SLC25A36: variants seen among roughly 807,000 people sequenced by gnomAD.
SLC25A36 encodes solute carrier family 25 member 36.
SLC25A36 carries 24 observed loss-of-function variants against 35.3 expected under a neutral mutation model. That is an observed-to-expected ratio of 0.68 (90% CI 0.49 to 0.96). SLC25A36 has a LOEUF of 0.96. SLC25A36 is among the 40% of genes least tolerant of loss of function. SLC25A36 has a pLI of 0.00. For synonymous variants in SLC25A36, 141 were observed against 132.2 expected, an observed-to-expected ratio of 1.07 and a Z score of -0.46; for missense variants, 294 against 381.1, an observed-to-expected ratio of 0.77 and a Z score of 1.90.
rs1935069079 is a variant in SLC25A36 at position 140,977,122 on chromosome 3, A to C, written c.*669A>C. On this transcript the variant is annotated 3_prime_UTR_variant, in exon 7 of 7. Coordinates refer to ENST00000324194, the MANE Select transcript of SLC25A36 (RefSeq NM_001104647.3). The stretch of plus-strand genomic sequence containing the variant: ...ACACATGGTAATAGTTTGGGACAAA[A>C]TAACTAGTAAAATGTTGATTTCTCG... 1 of 152,214 alleles carries C rather than the reference A, an allele frequency of 6.6e-6. No individual in the cohort carries two copies. The highest frequency in any genetic ancestry group is 1.5e-5 in the Non-Finnish European group (1 of 68,048). The allele number at this position is 152,214 out of a possible 1,614,324, so 9.4% of individuals were successfully genotyped here. A position where few individuals can be genotyped will look rare whatever the true frequency, so the allele number is the denominator to read the frequency against.
intron 1 of SLC25A36, among the ~76,000 whole-genome samples, chr3:140,951,306 C>T (rs534074498): frequency 1.8e-4 from 28 of 152,284 alleles, no homozygotes; most frequent in African/African-American, 6.7e-4. Flanking sequence ...TTGTTCTCTA[C>T]ATCAATTCTG....
intron 4 of SLC25A36, 142 bp downstream of exon 4, chr3:140,963,369 A>G: frequency 1.7e-6 from 1 of 576,948 alleles, no homozygotes; most frequent in Non-Finnish European, 2.9e-6. Context: ...GATATAAACC[A>G]AATTAGGTAT....
intron 5 of SLC25A36, among the ~76,000 whole-genome samples, chr3:140,971,537 A>G (rs1311860993): frequency 6.6e-6 from 1 of 152,214 alleles, no homozygotes; most frequent in East Asian, 1.9e-4. Flanking sequence ...GAGATGCACC[A>G]GGAAACAGTG....
chr3:140,960,534 G>T (rs1934601329), intron 3 of SLC25A36, among the ~76,000 whole-genome samples: 1 of 152,206 alleles, frequency 6.6e-6, no homozygotes, highest in African/African-American at 2.4e-5. Context: ...TTAGAACAGG[G>T]TTGAAGAAAG....
rs756039412 is a variant in SLC25A36 at position 140,976,362 on chromosome 3, G to A, written c.845G>A (p.Arg282His). 1.1e-5 allele frequency: 18 copies of A among 1,613,592 alleles called. No individual in the cohort carries two copies. Among genetic ancestry groups the A allele is most frequent in the East Asian group, 4.5e-5 (2 of 44,860 alleles). Residue 282 changes from arginine to histidine, a missense_variant, in exon 7 of 7, where the codon CGT becomes CAT. This residue lies in a region of SLC25A36 where 109 missense variants were observed against 179.7 expected (regional missense o/e 0.61). Transcript: ENST00000324194. Reference sequence around the variant, plus strand: ...GAAGAAGGTTATGGGTCTCTTTATCGTGGTCTGACAACTCATCTAGTGAGA... The same window carrying A: ...GAAGAAGGTTATGGGTCTCTTTATCATGGTCTGACAACTCATCTAGTGAGA... ...VQEEGYGSLYRGLTTHLVRQI... is the reference protein window; with the variant it reads ...VQEEGYGSLYHGLTTHLVRQI...
At chr3:140,950,937 T>A (rs1934307030) in intron 1 of SLC25A36, among the ~76,000 whole-genome samples, 1 of 151,558 alleles carries the variant, frequency 6.6e-6, no homozygotes, top group Non-Finnish European at 1.5e-5. Flanking sequence ...TGTGTGTGTG[T>A]GTGTAAGGCA....
At position 140,956,352 on chromosome 3, in the gene SLC25A36, A is replaced by G. The variant is rs77420980; in HGVS notation, c.42-175A>G. On this transcript the variant is annotated intron_variant, in intron 1 of 6. Coordinates refer to ENST00000324194, the MANE Select transcript of SLC25A36 (RefSeq NM_001104647.3). Reference sequence around the variant, plus strand: ...CATTTTAGTTACTGAAGAAGTTTGTATGAAATCAAATAATGGAATCTCTTA... The same window carrying G: ...CATTTTAGTTACTGAAGAAGTTTGTGTGAAATCAAATAATGGAATCTCTTA... 1.7e-3 allele frequency among the ~76,000 whole-genome samples: 253 copies of G among 152,348 alleles called. 3 individuals are homozygous for G. The East Asian group carries it at 0.019, about 12-fold the overall frequency.
At chr3:140,950,898 C>G (rs56900702) in intron 1 of SLC25A36, among the ~76,000 whole-genome samples, 23 of 116,692 alleles carry the variant, frequency 2.0e-4, no homozygotes, top group African/African-American at 8.3e-4. Context: ...GTGTGTGTGT[C>G]TCTGTGTGTG....
chr3:140,941,838 C>T lies in SLC25A36; in HGVS notation c.-217C>T, dbSNP rs568189969. The T allele has an allele frequency of 1.2e-5, 6 of 515,660 alleles. No individual in the cohort carries two copies. Among genetic ancestry groups the T allele is most frequent in the Non-Finnish European group, 1.7e-5 (5 of 289,298 alleles). 31.9% of individuals were successfully genotyped at this position (515,660 alleles called of 1,614,324 possible). Reference sequence around the variant, plus strand: ...TCGCGCTGCGCTGCGTCGCTTTCAGCCTCTGGTGAAGGGCGGCGCGCTTAG... The same window carrying T: ...TCGCGCTGCGCTGCGTCGCTTTCAGTCTCTGGTGAAGGGCGGCGCGCTTAG... On this transcript the variant is annotated 5_prime_UTR_variant, in exon 1 of 7. Transcript: ENST00000324194.
chr3:140,960,350 T>C (rs1934596662), intron 3 of SLC25A36, among the ~76,000 whole-genome samples: 1 of 152,200 alleles, frequency 6.6e-6, no homozygotes, highest in Admixed American at 6.5e-5. Context: ...AAACAAAATA[T>C]TTTCCTTGGG....
At position 140,950,918 on chromosome 3, in the gene SLC25A36, C is replaced by G. The variant is rs148713264; in HGVS notation, c.42-5609C>G. Among the ~76,000 whole-genome samples, 449 of 136,438 alleles carry G rather than the reference C, an allele frequency of 3.3e-3. 3 individuals are homozygous for G. The highest frequency in any genetic ancestry group is 8.2e-3 in the African/African-American group (305 of 37,150). 89.5% of individuals were successfully genotyped at this position (136,438 alleles called of 152,430 possible). On this transcript the variant is annotated intron_variant, in intron 1 of 6. Transcript: ENST00000324194. ...TGTGTCTCTGTGTGTGTCTGTGTGT[C>G]TGTGTGTGTGTGTGTGTGTGTGTAA...
At chr3:140,942,176 A>C (rs1576473083) in intron 1 of SLC25A36, 81 bp downstream of exon 1, 12 of 57,076 alleles carry the variant, frequency 2.1e-4, no homozygotes, top group East Asian at 8.5e-4. Context: ...AGGGGGGCCG[A>C]GGGGGGTGGG....
intron 3 of SLC25A36, among the ~76,000 whole-genome samples, chr3:140,962,153 A>T (rs1449041209): frequency 1.3e-5 from 2 of 152,010 alleles, no homozygotes; most frequent in Non-Finnish European, 2.9e-5. Flanking sequence ...TCCTCTTCCC[A>T]ACTTGGCATC....
intron 4 of SLC25A36, among the ~76,000 whole-genome samples, chr3:140,968,882 C>G (rs535328765): frequency 3.3e-5 from 5 of 151,044 alleles, no homozygotes; most frequent in African/African-American, 9.7e-5. Flanking sequence ...TGTAAAGATT[C>G]CCAGTTTTAA....
rs1412907199 is a variant in SLC25A36 at position 140,978,913 on chromosome 3, A to G, written c.*2460A>G. ...GACTCATGTTTAAAAACAAAAACACATATTCAGAGCATTGGACTTTTTTAA... is the reference window on the plus strand; with the variant it reads ...GACTCATGTTTAAAAACAAAAACACGTATTCAGAGCATTGGACTTTTTTAA... On this transcript the variant is annotated 3_prime_UTR_variant, in exon 7 of 7. Transcript: ENST00000324194. 1 of 130,580 alleles carries G rather than the reference A, an allele frequency of 7.7e-6. No homozygotes were observed. The highest frequency in any genetic ancestry group is 3.1e-5 in the African/African-American group (1 of 32,618). The allele number at this position is 130,580 out of a possible 1,614,324, so 8.1% of individuals were successfully genotyped here. A position where few individuals can be genotyped will look rare whatever the true frequency, so the allele number is the denominator to read the frequency against.
chr3:140,957,519 A>G (rs770295050), intron 2 of SLC25A36, among the ~76,000 whole-genome samples: 70 of 152,308 alleles, frequency 4.6e-4, no homozygotes, highest in Non-Finnish European at 1.5e-4. Flanking sequence ...AGGTGGGTGG[A>G]TCATCTGAGG....
At chr3:140,952,852 T>A (rs1559811276) in intron 1 of SLC25A36, among the ~76,000 whole-genome samples, 1 of 152,248 alleles carries the variant, frequency 6.6e-6, no homozygotes, top group East Asian at 1.9e-4. Context: ...TGAATACATT[T>A]TTTAGAAGTT....
intron 5 of SLC25A36, 47 bp downstream of exon 5, chr3:140,971,040 AT>A (rs758257874): frequency 2.4e-5 from 19 of 803,108 alleles, no homozygotes; most frequent in Admixed American, 5.8e-5. Flanking sequence ...GATTTAACTA[AT>A]TTTTTTTCTA....
intron 1 of SLC25A36, among the ~76,000 whole-genome samples, chr3:140,950,256 C>T (rs1934283350): frequency 6.6e-6 from 1 of 151,934 alleles, no homozygotes; most frequent in African/African-American, 2.4e-5. Flanking sequence ...CCGCCCCCAC[C>T]CCCCACTGCC....
Sources: allele counts gnomAD v4.1 joint callset (sites outside exome capture counted in the v4.1 genomes callset), GRCh38; gene constraint gnomAD v4.1.1; regional missense constraint gnomAD v4.1.1; transcripts MANE v1.5; gene names NCBI Gene and HGNC (gene_info 2026-07-23, HGNC 2026-07-21).